The following LINC02747 variants were observed in gnomAD, a reference collection of about 807,000 sequenced individuals.
LINC02747 encodes the protein CCND1-upstream intergenic DNA repair 2.
intron 1 of LINC02747, among the ~76,000 whole-genome samples, chr11:69,478,492 G>A (rs1354199353): frequency 6.6e-6 from 1 of 152,164 alleles, no homozygotes; most frequent in Non-Finnish European, 1.5e-5. Context: ...CTGGGCTGGC[G>A]TCTTCTCTCC....
intron 1 of LINC02747, among the ~76,000 whole-genome samples, chr11:69,479,315 CA>C (rs1190034339): frequency 8.7e-6 from 1 of 114,942 alleles, no homozygotes; most frequent in Non-Finnish European, 1.9e-5. Flanking sequence ...AAAGAAAAAA[CA>C]AGTGGGTGGT....
At chr11:69,480,768 C>T (rs986337035) in intron 1 of LINC02747, among the ~76,000 whole-genome samples, 17 of 152,328 alleles carry the variant, frequency 1.1e-4, no homozygotes, top group Admixed American at 2.6e-4. Flanking sequence ...GATGGAATGC[C>T]GGCAGGGTCC....
At chr11:69,477,492 G>C (rs776981824) in exon 2 of LINC02747, 1 of 152,212 alleles carries the variant, frequency 6.6e-6, no homozygotes, top group African/African-American at 2.4e-5. Flanking sequence ...TATTTCCTGT[G>C]AGCTTTGCAA....
At chr11:69,480,192 G>A (rs1304801574) in intron 1 of LINC02747, among the ~76,000 whole-genome samples, 5 of 152,204 alleles carry the variant, frequency 3.3e-5, no homozygotes, top group African/African-American at 1.2e-4. Flanking sequence ...TCTCCCAGGG[G>A]AAGGCAGGGT....
intron 1 of LINC02747, among the ~76,000 whole-genome samples, chr11:69,481,066 G>A (rs1403303076): frequency 6.6e-6 from 1 of 152,234 alleles, no homozygotes; most frequent in Non-Finnish European, 1.5e-5. Flanking sequence ...TGGCAATGCT[G>A]CAGACAGCAT....
At chr11:69,476,780 T>G (rs1857000055) in exon 2 of LINC02747, 1 of 152,182 alleles carries the variant, frequency 6.6e-6, no homozygotes, top group African/African-American at 2.4e-5. Context: ...CTAGGGTCAT[T>G]AATATGGATT....
intron 1 of LINC02747, among the ~76,000 whole-genome samples, chr11:69,478,354 C>T (rs1432552308): frequency 6.6e-6 from 1 of 152,032 alleles, no homozygotes; most frequent in Non-Finnish European, 1.5e-5. Flanking sequence ...GTCCCCACCC[C>T]TGGGGAGGAC....
chr11:69,478,699 G>A (rs924827668), intron 1 of LINC02747, among the ~76,000 whole-genome samples: 1 of 152,082 alleles, frequency 6.6e-6, no homozygotes, highest in Non-Finnish European at 1.5e-5. Flanking sequence ...GCCTGGTGTG[G>A]TGGTGAGCAC....
intron 1 of LINC02747, among the ~76,000 whole-genome samples, chr11:69,479,111 C>T (rs549739812): frequency 4.0e-5 from 6 of 151,690 alleles, no homozygotes; most frequent in Non-Finnish European, 7.4e-5. Context: ...AAAAAATTGA[C>T]GGGCATAATG....
chr11:69,480,552 A>C (rs1455075232), intron 1 of LINC02747, among the ~76,000 whole-genome samples: 1 of 152,142 alleles, frequency 6.6e-6, no homozygotes, highest in Non-Finnish European at 1.5e-5. Flanking sequence ...GCTTCCCTTC[A>C]CCTGATAGTC....
intron 1 of LINC02747, among the ~76,000 whole-genome samples, chr11:69,479,254 C>CAAAAAA (rs34812492): frequency 6.3e-5 from 3 of 47,536 alleles, no homozygotes; most frequent in Non-Finnish European, 1.2e-4. Flanking sequence ...GACTCTGTCT[C>CAAAAAA]AAAAAAAAAA....
At chr11:69,480,548 C>T (rs538707132) in intron 1 of LINC02747, among the ~76,000 whole-genome samples, 6 of 152,338 alleles carry the variant, frequency 3.9e-5, no homozygotes, top group Non-Finnish European at 7.3e-5. Context: ...GAGAGCTTCC[C>T]TTCACCTGAT....
exon 2 of LINC02747, chr11:69,476,369 C>G (rs1315322758): frequency 6.6e-6 from 1 of 152,268 alleles, no homozygotes; most frequent in Non-Finnish European, 1.5e-5. Context: ...GAGTCCCCAC[C>G]CAGCCCTGGC....
At chr11:69,480,795 G>A (rs945008388) in intron 1 of LINC02747, among the ~76,000 whole-genome samples, 2 of 152,240 alleles carry the variant, frequency 1.3e-5, no homozygotes, top group Admixed American at 6.5e-5. Flanking sequence ...ACCTCATCAT[G>A]TGGAAGAGTT....
At chr11:69,478,431 G>A (rs891085153) in intron 1 of LINC02747, among the ~76,000 whole-genome samples, 4 of 152,170 alleles carry the variant, frequency 2.6e-5, no homozygotes, top group Admixed American at 2.0e-4. Context: ...CCTGCCTCCT[G>A]CACCCTGACC....
At chr11:69,480,576 G>T (rs1430460465) in intron 1 of LINC02747, among the ~76,000 whole-genome samples, 1 of 152,236 alleles carries the variant, frequency 6.6e-6, no homozygotes. Flanking sequence ...CCCTCAGGAT[G>T]GAGCTGAGGC....
chr11:69,476,247 C>G (rs115391167), exon 2 of LINC02747: 2 of 152,258 alleles, frequency 1.3e-5, no homozygotes, highest in Non-Finnish European at 2.9e-5. Flanking sequence ...GACTTCACGC[C>G]GGAGGCAGCC....
At chr11:69,477,923 C>A (rs1857011518) in intron 1 of LINC02747, among the ~76,000 whole-genome samples, 1 of 152,176 alleles carries the variant, frequency 6.6e-6, no homozygotes, top group Admixed American at 6.5e-5. Context: ...AGCATCCAAC[C>A]ATGTGCAGGG....
intron 1 of LINC02747, among the ~76,000 whole-genome samples, chr11:69,477,983 C>T (rs1857012071): frequency 6.6e-6 from 1 of 152,194 alleles, no homozygotes; most frequent in Non-Finnish European, 1.5e-5. Flanking sequence ...AGGAACAGTT[C>T]ATTCAATACC....
Sources: allele counts gnomAD v4.1 joint callset (sites outside exome capture counted in the v4.1 genomes callset), GRCh38; gene constraint gnomAD v4.1.1; transcripts MANE v1.5; gene names NCBI Gene and HGNC (gene_info 2026-07-23, HGNC 2026-07-21).